The following LRRIQ1 variants were observed in gnomAD, a reference collection of about 807,000 sequenced individuals.
LRRIQ1 encodes leucine-rich repeat- and IQ domain-containing protein 1.
A neutral mutation model predicts 211.9 loss-of-function variants in LRRIQ1; 210 were observed. The ratio of observed to expected loss-of-function variants is 0.99; its 90% confidence interval spans 0.89 to 1.11. The LOEUF (loss-of-function observed/expected upper bound fraction) is 1.11. Ranked by LOEUF, LRRIQ1 falls within the 50% of genes most tolerant of loss-of-function variation. LRRIQ1 has a pLI of 0.00. For synonymous variants in LRRIQ1, 699 were observed against 650.1 expected (o/e 1.08, Z -1.14); for missense variants, 2,136 against 1,939.5 (o/e 1.10, Z -1.90).
chr12:85,100,471 C>A (rs1292542619), intron 13 of LRRIQ1, among the ~76,000 whole-genome samples: 1 of 151,554 alleles, frequency 6.6e-6, no homozygotes, highest in East Asian at 1.9e-4. Context: ...TTTGCATAAT[C>A]TTATAACGTT....
intron 24 of LRRIQ1, among the ~76,000 whole-genome samples, chr12:85,205,495 G>T (rs1246580191): frequency 6.6e-6 from 1 of 151,966 alleles, no homozygotes; most frequent in Non-Finnish European, 1.5e-5. Context: ...TTTCCTTTGT[G>T]GGTGACCTGC....
intron 1 of LRRIQ1, among the ~76,000 whole-genome samples, chr12:85,261,764 AT>A (rs1555231832): frequency 1.8e-5 from 2 of 109,688 alleles, no homozygotes; most frequent in African/African-American, 3.7e-5. Flanking sequence ...TTTTTTGTTT[AT>A]TTTATTTATT....
chr12:85,200,185 C>G (rs879364430), intron 24 of LRRIQ1, among the ~76,000 whole-genome samples: 1 of 152,094 alleles, frequency 6.6e-6, no homozygotes, highest in African/African-American at 2.4e-5. Flanking sequence ...TCTTTCACCT[C>G]CCTGTTTAGC....
Position 85,098,534 on chromosome 12 carries a change from A to T in LRRIQ1, c.3067A>T (p.Asn1023Tyr), listed in dbSNP as rs775558910. Residue 1023 changes from asparagine (N) to tyrosine (Y), a missense_variant, in exon 12 of 27, where the codon AAT (asparagine) becomes TAT (tyrosine). Asn to Tyr is a moderately radical substitution (Grantham distance 143, BLOSUM62 -2). Transcript: ENST00000393217. ...GLLQILKLQG[N>Y]YLSELPSLEN... is the part of the protein sequence containing the mutation. ...GCTCCAAATATTGAAGTTACAGGGA[A>T]ATTATCTGAGTGAGGTAATTGCTTT... 2 of 1,607,560 alleles carry T rather than the reference A, an allele frequency of 1.2e-6. No homozygotes were observed. Among genetic ancestry groups the T allele is most frequent in the African/African-American group, 1.3e-5 (1 of 74,708 alleles).
intron 26 of LRRIQ1, among the ~76,000 whole-genome samples, chr12:85,243,577 AT>A (rs746204564): frequency 4.6e-5 from 7 of 151,314 alleles, no homozygotes; most frequent in Admixed American, 2.7e-4. Context: ...GGCAATACAT[AT>A]GTTAATTTGC....
rs1365673443 is a variant in LRRIQ1 at position 85,055,983 on chromosome 12, G to A, written c.1190G>A (p.Ser397Asn). The A allele has an allele frequency of 3.1e-6, 5 of 1,609,662 alleles. No homozygotes were observed. The highest frequency in any genetic ancestry group is 1.3e-5 in the African/African-American group (1 of 74,706). ...REDASQQLII[S>N]SALKKSGYNN... Reference sequence around the variant, plus strand: ...GATGCAAGCCAACAGCTAATAATAAGTAGTGCATTAAAGAAGAGCGGATAT... The same window carrying A: ...GATGCAAGCCAACAGCTAATAATAAATAGTGCATTAAAGAAGAGCGGATAT... The change falls in exon 8 of 27, where the codon AGT (serine) becomes AAT (asparagine). Residue 397 changes from serine (S) to asparagine (N), a missense_variant. Coordinates refer to ENST00000393217, the MANE Select transcript of LRRIQ1 (RefSeq NM_001079910.2).
At chr12:85,261,009 G>A (rs1201655741) in intron 1 of LRRIQ1, among the ~76,000 whole-genome samples, 1 of 152,168 alleles carries the variant, frequency 6.6e-6, no homozygotes, top group Non-Finnish European at 1.5e-5. Flanking sequence ...GCTCAGCGTA[G>A]AATGAATCTG....
intron 1 of LRRIQ1, among the ~76,000 whole-genome samples, chr12:85,261,915 C>T (rs917250447): frequency 1.8e-4 from 27 of 151,926 alleles, no homozygotes; most frequent in African/African-American, 5.3e-4. Flanking sequence ...CTCAGCCTTC[C>T]GAGTAGCTGG....
chr12:85,102,033 T>C (rs1023389235), intron 13 of LRRIQ1, among the ~76,000 whole-genome samples: 5 of 151,602 alleles, frequency 3.3e-5, no homozygotes, highest in Non-Finnish European at 5.9e-5. Flanking sequence ...ACTGGAAGGG[T>C]GAAGAGTTAG....
chr12:85,097,673 A>G (rs1414958450), intron 11 of LRRIQ1, among the ~76,000 whole-genome samples: 2 of 152,174 alleles, frequency 1.3e-5, no homozygotes, highest in South Asian at 4.1e-4. Context: ...AATTTAAAGA[A>G]CATTTTCTAG....
At chr12:85,200,382 T>G (rs563213497) in intron 24 of LRRIQ1, among the ~76,000 whole-genome samples, 1 of 151,960 alleles carries the variant, frequency 6.6e-6, no homozygotes, top group East Asian at 1.9e-4. Flanking sequence ...GATTCTAGGG[T>G]TTTCTAGCTA....
At chr12:85,047,935 T>G in intron 6 of LRRIQ1, 2 of 156,556 alleles carry the variant, frequency 1.3e-5, no homozygotes, top group Non-Finnish European at 2.8e-5. Context: ...CTGGCAACTT[T>G]TTGGTGTGAA....
intron 11 of LRRIQ1, among the ~76,000 whole-genome samples, chr12:85,085,816 C>T (rs987620947): frequency 6.6e-6 from 1 of 152,160 alleles, no homozygotes; most frequent in African/African-American, 2.4e-5. Context: ...GTATGTACTA[C>T]ATTTTCTTTA....
rs113883917 is a variant in LRRIQ1 at position 85,120,233 on chromosome 12, G to C, written c.3378-1464G>C. Among the ~76,000 whole-genome samples the C allele has an allele frequency of 2.4e-4, 37 of 152,200 alleles. 1 individual carries two copies. Among genetic ancestry groups the C allele is most frequent in the African/African-American group, 8.9e-4 (37 of 41,544 alleles). On this transcript the variant is annotated intron_variant, in intron 15 of 26. Coordinates refer to ENST00000393217, the MANE Select transcript of LRRIQ1 (RefSeq NM_001079910.2). ...TTTTGTGAAGGGTGTAGTCTGTCTA[G>C]CTTCATGCTTACTCATGTGGATTTT...
chr12:85,118,450 C>T (rs1309052841), intron 15 of LRRIQ1, among the ~76,000 whole-genome samples: 1 of 149,080 alleles, frequency 6.7e-6, no homozygotes, highest in East Asian at 2.0e-4. Flanking sequence ...GGGGAGGGAG[C>T]AGAGTGGGGG....
Position 85,124,526 on chromosome 12 carries a change from T to C in LRRIQ1, c.4007+7T>C, listed in dbSNP as rs755668920. ...TTGAGCCTAGTGAAAAAATGTAAGA[T>C]ATATAAATAATGTTTCTTTTATAGA... On this transcript the variant is annotated splice_region_variant and intron_variant, in intron 17 of 26. Transcript: ENST00000393217. 3 of 1,585,952 alleles carry C rather than the reference T, an allele frequency of 1.9e-6. No homozygotes were observed. Among genetic ancestry groups the C allele is most frequent in the Non-Finnish European group, 2.6e-6 (3 of 1,159,940 alleles).
At chr12:85,046,377 A>G (rs1354074861) in intron 5 of LRRIQ1, among the ~76,000 whole-genome samples, 1 of 152,168 alleles carries the variant, frequency 6.6e-6, no homozygotes. Flanking sequence ...AGACTTGACT[A>G]TCCCTGACTT....
chr12:85,224,563 G>T (rs549047535), intron 24 of LRRIQ1, among the ~76,000 whole-genome samples: 11 of 152,212 alleles, frequency 7.2e-5, no homozygotes, highest in Admixed American at 4.6e-4. Context: ...CATCAAAAAG[G>T]ATGAGTTCAT....
At chr12:85,204,712 T>C (rs114953939) in intron 24 of LRRIQ1, among the ~76,000 whole-genome samples, 1 of 151,962 alleles carries the variant, frequency 6.6e-6, no homozygotes, top group Non-Finnish European at 1.5e-5. Flanking sequence ...GGAATGATTG[T>C]ATTTTCCCAA....
Sources: allele counts gnomAD v4.1 joint callset (sites outside exome capture counted in the v4.1 genomes callset), GRCh38; gene constraint gnomAD v4.1.1; transcripts MANE v1.5; gene names NCBI Gene and HGNC (gene_info 2026-07-23, HGNC 2026-07-21).